The following GANAB variants were observed in gnomAD, a reference collection of about 807,000 sequenced individuals.
GANAB encodes neutral alpha-glucosidase AB.
GANAB carries 35 observed loss-of-function variants against 129.9 expected under a neutral mutation model. The ratio of observed to expected loss-of-function variants is 0.27; its 90% CI spans 0.21 to 0.36. GANAB has a LOEUF of 0.36. Ranked by LOEUF, GANAB falls within the 10% of genes least tolerant of loss-of-function variation. The probability of loss-of-function intolerance (pLI) is 1.00; values close to 1 mark genes in which losing one functional copy is unlikely to be tolerated. For synonymous variants in GANAB, 482 were observed against 451.8 expected (o/e 1.07, Z -0.85); for missense variants, 939 against 1,221.0 (o/e 0.77, Z 3.44).
At chr11:62,629,982 G>A in intron 13 of GANAB, 25 bp from the exon 14 acceptor site, 1 of 1,610,820 alleles carries the variant, frequency 6.2e-7, no homozygotes, top group Non-Finnish European at 8.5e-7. Context: ...AGAAAATGGG[G>A]ACAGAAGGAC....
chr11:62,630,537 CT>C, intron 11 of GANAB, 32 bp from the exon 12 acceptor site: 4 of 1,614,018 alleles, frequency 2.5e-6, no homozygotes, highest in Non-Finnish European at 3.4e-6. Flanking sequence ...GTTCAGGTCT[CT>C]TTAAGGCTAA....
At chr11:62,632,471 C>T (rs1943733460) in intron 9 of GANAB, 94 bp downstream of exon 9, 1 of 975,514 alleles carries the variant, frequency 1.0e-6, no homozygotes, top group Admixed American at 1.9e-5. Flanking sequence ...CTTCTTAAAC[C>T]CAGTCCCCAA....
intron 8 of GANAB, 81 bp from the exon 9 acceptor site, chr11:62,632,826 G>A (rs1488980670): frequency 2.5e-6 from 3 of 1,181,034 alleles, no homozygotes; most frequent in Non-Finnish European, 3.7e-6. Flanking sequence ...AGACACAGGT[G>A]AGAGATAAGC....
At chr11:62,640,694 G>A (rs1021430834) in intron 1 of GANAB, among the ~76,000 whole-genome samples, 5 of 151,762 alleles carry the variant, frequency 3.3e-5, no homozygotes, top group African/African-American at 2.4e-5. Context: ...TTATCCAGGC[G>A]TGGTGGTGGG....
intron 17 of GANAB, among the ~76,000 whole-genome samples, chr11:62,627,853 C>T (rs1452873288): frequency 6.6e-6 from 1 of 152,222 alleles, no homozygotes; most frequent in African/African-American, 2.4e-5. Context: ...ATTTAACTTC[C>T]TAAGCCATCT....
In GANAB at chr11:62,629,660, T is replaced by G; in HGVS notation, c.1762A>C (p.Arg588=). 6.2e-7 allele frequency: 1 copy of G among 1,613,552 alleles called. No individual in the cohort carries two copies. The highest frequency in any genetic ancestry group is 8.5e-7 in the Non-Finnish European group (1 of 1,179,654). The change falls in exon 15 of 24, where the codon AGA becomes CGA. Residue 588 remains arginine (R), a synonymous_variant. Transcript: ENST00000356638. ...YVHMATADGL[R]QRSGGMERPF... ...CGTTCCATGCCCCCAGAGCGCTGTC[T>G]CAGCCCATCAGCAGTCGCCATGTGC...
intron 5 of GANAB, chr11:62,633,954 T>C (rs1943815768): frequency 5.7e-6 from 2 of 351,466 alleles, no homozygotes; most frequent in African/African-American, 2.1e-5. Context: ...CAGACATACA[T>C]AGGGACTTCA....
At chr11:62,644,494 G>A (rs888352509) in intron 1 of GANAB, among the ~76,000 whole-genome samples, 2 of 152,006 alleles carry the variant, frequency 1.3e-5, no homozygotes, top group African/African-American at 4.8e-5. Context: ...GGTGGCAGGT[G>A]CCTGTAGTCC....
intron 9 of GANAB, among the ~76,000 whole-genome samples, chr11:62,631,810 T>C (rs1943696870): frequency 6.6e-6 from 1 of 151,750 alleles, no homozygotes; most frequent in South Asian, 2.1e-4. Flanking sequence ...AGAGATGGGG[T>C]CTCGCCATGT....
chr11:62,639,635 A>C lies in GANAB; in HGVS notation c.135T>G (p.Ser45=), dbSNP rs148375319. 5 of 1,608,246 alleles carry C rather than the reference A, an allele frequency of 3.1e-6. No homozygotes were observed. In the East Asian group the frequency reaches 8.9e-5, roughly 29 times the overall value. The change falls in exon 2 of 24, where the codon TCT becomes TCG. Residue 45 remains serine, a synonymous_variant. Transcript: ENST00000356638. Reference sequence around the variant, plus strand: ...CCCCAGAAATATCATACTTGCAGAAAGAACTCTCTTCACAGGTCTTAAAGT... The same window carrying C: ...CCCCAGAAATATCATACTTGCAGAACGAACTCTCTTCACAGGTCTTAAAGT... ...RSNFKTCEES[S]FCKRQRSIRP... is the part of the protein sequence containing the mutation.
Position 62,630,245 on chromosome 11 carries a change from G to A in GANAB, c.1545C>T (p.Pro515=), listed in dbSNP as rs1460561575. ...TGTTAGCCCACCAGGCCCTCATCGT[G>A]GGATTAGTGAAGTCAGGGTAACCAG... The part of the protein sequence containing the change: ...GSAGYPDFTN[P]TMRAWWANMF... Residue 515 remains proline, a synonymous_variant, in exon 13 of 24, where the codon CCC becomes CCT. Coordinates refer to ENST00000356638, the MANE Select transcript of GANAB (RefSeq NM_198334.3). 1 of 1,613,526 alleles carries A rather than the reference G, an allele frequency of 6.2e-7. No individual in the cohort carries two copies. The highest frequency in any genetic ancestry group is 2.2e-5 in the East Asian group (1 of 44,890).
intron 1 of GANAB, among the ~76,000 whole-genome samples, chr11:62,646,320 C>T (rs929510434): frequency 2.6e-5 from 4 of 152,238 alleles, no homozygotes; most frequent in African/African-American, 9.6e-5. Flanking sequence ...CCAAGAAAGA[C>T]GCACAGCTGT....
In GANAB at chr11:62,635,104, G is replaced by A. The variant is rs1943885661; in HGVS notation, c.381-104C>T. The A allele has an allele frequency of 9.6e-5, 75 of 777,968 alleles. No homozygotes were observed. In the South Asian group the frequency reaches 1.2e-3, roughly 13 times the overall value. The allele number at this position is 777,968 out of a possible 1,614,324, so 48.2% of individuals were successfully genotyped here. The stretch of plus-strand genomic sequence containing the variant: ...ATCTACCTGTTAAGAGAAATAGGCA[G>A]TGTGGTAACAGAGCAGGGATAGACA... On this transcript the variant is annotated intron_variant, in intron 4 of 23. Coordinates refer to ENST00000356638, the MANE Select transcript of GANAB (RefSeq NM_198334.3).
Position 62,625,318 on chromosome 11 carries a change from C to G in GANAB, c.*497G>C, listed in dbSNP as rs1276343261. ...GGGGTAAGGGGTGGTCCCAGTGTAT[C>G]GGTGGGGCATAAAAAGGGGAGTAAA... is the stretch of plus-strand genomic sequence containing the variant. On this transcript the variant is annotated 3_prime_UTR_variant, in exon 24 of 24. Coordinates refer to ENST00000356638, the MANE Select transcript of GANAB (RefSeq NM_198334.3). The G allele has an allele frequency of 2.2e-6, 1 of 454,322 alleles. No individual in the cohort carries two copies. The highest frequency in any genetic ancestry group is 4.4e-6 in the Non-Finnish European group (1 of 226,342). The allele number at this position is 454,322 out of a possible 1,614,324, so 28.1% of individuals were successfully genotyped here.
Position 62,625,111 on chromosome 11 carries a change from A to G in GANAB, c.*704T>C, listed in dbSNP as rs533419790. On this transcript the variant is annotated 3_prime_UTR_variant, in exon 24 of 24. Transcript: ENST00000356638. ...AAGGGGACAAGAAGGGGGCAAAAGA[A>G]GTTTAATGCGCATCCCCTAAGAGGT... 1.5e-5 allele frequency: 6 copies of G among 409,280 alleles called. No homozygotes were observed. The East Asian group carries it at 4.3e-4, about 30-fold the overall frequency. 25.4% of individuals were successfully genotyped at this position (409,280 alleles called of 1,614,324 possible).
rs891453680 is a variant in GANAB at position 62,625,627 on chromosome 11, TGAG to T, written c.*185_*187del. 2.7e-5 allele frequency: 16 copies of T among 600,598 alleles called. No individual in the cohort carries two copies. In the Admixed American group the frequency reaches 3.9e-4, roughly 15 times the overall value. The allele number at this position is 600,598 out of a possible 1,614,324, so 37.2% of individuals were successfully genotyped here. On this transcript the variant is annotated 3_prime_UTR_variant, in exon 24 of 24. Transcript: ENST00000356638. ...GTTGGTATCAATGGAGTGGGAGAGG[TGAG>T]GAGATCACAAGAGGAATTTGGAGCC...
At chr11:62,640,258 G>T (rs1185772060) in intron 1 of GANAB, among the ~76,000 whole-genome samples, 2 of 62,138 alleles carry the variant, frequency 3.2e-5, no homozygotes, top group East Asian at 1.9e-3. Flanking sequence ...AAAAAGCCAG[G>T]CGCGGTGGCT....
At chr11:62,639,488 A>C in intron 2 of GANAB, 21 bp from the exon 3 acceptor site, 9 of 1,580,562 alleles carry the variant, frequency 5.7e-6, no homozygotes, top group Non-Finnish European at 7.8e-6. Context: ...AAGGGTTGGG[A>C]AGTAAGGTAA....
At chr11:62,633,541 C>T (rs1943792639) in intron 5 of GANAB, 27 bp from the exon 6 acceptor site, 1 of 1,605,442 alleles carries the variant, frequency 6.2e-7, no homozygotes. Flanking sequence ...CTGTCTGCTC[C>T]AATCCAGAGG....
Sources: gnomAD v4.1 joint callset for allele counts (sites outside exome capture counted in the v4.1 genomes callset) on GRCh38, gnomAD v4.1.1 for gene constraint, MANE v1.5 for transcripts, NCBI Gene and HGNC (gene_info 2026-07-23, HGNC 2026-07-21) for gene names.